Variants in EIF2B3 observed in about 807,000 individuals in gnomAD.
The protein encoded by EIF2B3 is translation initiation factor eIF2B subunit gamma.
Under a neutral mutation model 54.1 loss-of-function variants are expected in EIF2B3, and 20 were observed. That is an observed-to-expected ratio of 0.37 (90% CI 0.26 to 0.54). The LOEUF (loss-of-function observed/expected upper bound fraction) is 0.54, where lower values mean the gene tolerates loss of function less well. EIF2B3 is among the 20% of genes least tolerant of loss of function. The pLI is 0.86. For synonymous variants in EIF2B3, 153 were observed against 188.1 expected, an observed-to-expected ratio of 0.81 and a Z score of 1.52; for missense variants, 448 against 547.8, an observed-to-expected ratio of 0.82 and a Z score of 1.82.
In EIF2B3 at chr1:44,880,104, C is replaced by T. The variant is rs529530961; in HGVS notation, c.785-96G>A. The T allele has an allele frequency of 4.7e-5, 63 of 1,349,382 alleles. No homozygotes were observed. In the African/African-American group the frequency reaches 5.6e-4, roughly 12 times the overall value. 83.6% of individuals were successfully genotyped at this position (1,349,382 alleles called of 1,614,324 possible). On this transcript the variant is annotated intron_variant, in intron 7 of 11. Coordinates refer to ENST00000360403, the MANE Select transcript of EIF2B3 (RefSeq NM_020365.5). ...GTTGTTTTTTTGTTTATTTAAGAGA[C>T]GAGGTCTTGCTATGTTGCCTAGGCT...
chr1:44,910,221 G>C (rs1269499976), intron 5 of EIF2B3, among the ~76,000 whole-genome samples: 1 of 152,138 alleles, frequency 6.6e-6, no homozygotes, highest in Non-Finnish European at 1.5e-5. Flanking sequence ...TTTTAGAGCT[G>C]GAGGGGGGTT....
At chr1:44,902,399 C>G (rs540845631) in intron 5 of EIF2B3, among the ~76,000 whole-genome samples, 1 of 152,044 alleles carries the variant, frequency 6.6e-6, no homozygotes, top group Non-Finnish European at 1.5e-5. Flanking sequence ...GAGAGCTGCC[C>G]TCTTAGACCA....
chr1:44,916,720 G>T (rs1643630979), intron 5 of EIF2B3, among the ~76,000 whole-genome samples: 1 of 150,872 alleles, frequency 6.6e-6, no homozygotes, highest in South Asian at 2.1e-4. Flanking sequence ...CTACTCAGGA[G>T]GCTGAGGTAG....
intron 8 of EIF2B3, among the ~76,000 whole-genome samples, chr1:44,877,058 C>A (rs942096767): frequency 2.7e-5 from 4 of 150,668 alleles, no homozygotes; most frequent in African/African-American, 4.9e-5. Flanking sequence ...ACAAACGCTG[C>A]GGAAGGCCAC....
chr1:44,920,027 C>T (rs867278110), intron 5 of EIF2B3, among the ~76,000 whole-genome samples: 6 of 148,716 alleles, frequency 4.0e-5, no homozygotes, highest in African/African-American at 1.5e-4. Context: ...GCCTGAATGT[C>T]CTTTTTCTTT....
chr1:44,951,954 A>ATTTTTTTTTTTTTTTTTT lies in EIF2B3; in HGVS notation c.295-10307_295-10290dup, dbSNP rs1171020644. On this transcript the variant is annotated intron_variant, in intron 3 of 11. Transcript: ENST00000360403. ...AGGGGCGCACCACCATGCCTGGCTA[A>ATTTTTTTTTTTTTTTTTT]TTTTTTTTTTTTTTTTTTTTTTTTT... Among the ~76,000 whole-genome samples the ATTTTTTTTTTTTTTTTTT allele has an allele frequency of 1.1e-3, 48 of 44,650 alleles. 8 individuals carry two copies. In the East Asian group the frequency reaches 0.022, roughly 20 times the overall value. The allele number at this position is 44,650 out of a possible 152,430, so 29.3% of individuals were successfully genotyped here.
intron 3 of EIF2B3, among the ~76,000 whole-genome samples, chr1:44,971,530 C>T (rs114786878): frequency 0.011 from 1,624 of 152,204 alleles, 33 homozygotes; most frequent in African/African-American, 0.037. Context: ...AACTTATTTG[C>T]CTGGGACTTT....
At chr1:44,949,550 T>C (rs560708624) in intron 3 of EIF2B3, among the ~76,000 whole-genome samples, 2 of 152,338 alleles carry the variant, frequency 1.3e-5, no homozygotes, top group South Asian at 2.1e-4. Flanking sequence ...AGAAACAGTA[T>C]ACATTCTGAC....
chr1:44,865,529 G>C (rs1654744504), intron 10 of EIF2B3, among the ~76,000 whole-genome samples: 1 of 151,682 alleles, frequency 6.6e-6, no homozygotes, highest in Non-Finnish European at 1.5e-5. Context: ...TGAGCTTTAA[G>C]GAATGAAGCA....
chr1:44,968,453 G>A (rs1644367876), intron 3 of EIF2B3, among the ~76,000 whole-genome samples: 1 of 149,398 alleles, frequency 6.7e-6, no homozygotes. Context: ...CAATCAATAA[G>A]ATACATTATA....
intron 6 of EIF2B3, among the ~76,000 whole-genome samples, chr1:44,889,954 G>A (rs1393920004): frequency 6.6e-6 from 1 of 152,218 alleles, no homozygotes; most frequent in East Asian, 1.9e-4. Flanking sequence ...CCCCAGGAAT[G>A]GGTGGTGGAT....
intron 5 of EIF2B3, among the ~76,000 whole-genome samples, chr1:44,922,966 C>G (rs1643782585): frequency 6.7e-6 from 1 of 149,828 alleles, no homozygotes; most frequent in African/African-American, 2.4e-5. Context: ...ATGCGTTAGC[C>G]TCCCAAGTAG....
chr1:44,875,770 T>TCTCCCA, intron 8 of EIF2B3, 75 bp from the exon 9 acceptor site: 1 of 1,146,196 alleles, frequency 8.7e-7, no homozygotes, highest in African/African-American at 1.5e-5. Context: ...TCCCTCTACC[T>TCTCCCA]CTCCCACTCC....
At chr1:44,922,914 C>T (rs529308566) in intron 5 of EIF2B3, among the ~76,000 whole-genome samples, 69 of 128,350 alleles carry the variant, frequency 5.4e-4, no homozygotes, top group Non-Finnish European at 8.6e-4. Flanking sequence ...GGCACCATCT[C>T]GGCTCGCTGT....
chr1:44,879,407 A>G (rs1448624638), intron 8 of EIF2B3, among the ~76,000 whole-genome samples: 1 of 151,874 alleles, frequency 6.6e-6, no homozygotes, highest in Non-Finnish European at 1.5e-5. Flanking sequence ...GCCACTCTAT[A>G]CTCTGCTCCT....
intron 6 of EIF2B3, among the ~76,000 whole-genome samples, chr1:44,882,197 C>A (rs1655422455): frequency 6.6e-6 from 1 of 152,172 alleles, no homozygotes; most frequent in African/African-American, 2.4e-5. Flanking sequence ...TCAAGGAATT[C>A]ATAATCCAAT....
Position 44,861,593 on chromosome 1 carries a change from G to A in EIF2B3, c.1203-3786C>T, listed in dbSNP as rs143897870. On this transcript the variant is annotated intron_variant, in intron 10 of 11. Transcript: ENST00000360403. ...GAATAACTGAGGTCAGATTTCCATA[G>A]CAATAAACAGCCTGGTTTTCCTTAG... 3.9e-5 allele frequency among the ~76,000 whole-genome samples: 6 copies of A among 152,312 alleles called. No individual in the cohort carries two copies. The East Asian group carries it at 1.2e-3, about 29-fold the overall frequency.
intron 4 of EIF2B3, among the ~76,000 whole-genome samples, chr1:44,929,805 T>C (rs1215736922): frequency 3.3e-5 from 5 of 152,216 alleles, no homozygotes; most frequent in Admixed American, 1.3e-4. Flanking sequence ...TCAGCTATGT[T>C]GCACTTTAGT....
intron 4 of EIF2B3, among the ~76,000 whole-genome samples, chr1:44,939,594 G>A (rs182044660): frequency 1.0e-3 from 158 of 152,044 alleles, no homozygotes; most frequent in African/African-American, 3.5e-3. Context: ...ATTCCACATT[G>A]TATACATAAA....
Sources: allele counts gnomAD v4.1 joint callset (sites outside exome capture counted in the v4.1 genomes callset), GRCh38; gene constraint gnomAD v4.1.1; transcripts MANE v1.5; gene names NCBI Gene and HGNC (gene_info 2026-07-23, HGNC 2026-07-21).